The following HMCN2 variants were observed in gnomAD, a reference collection of about 807,000 sequenced individuals.
HMCN2 encodes the protein hemicentin 2.
Under a neutral mutation model 377.5 loss-of-function variants are expected in HMCN2, and 325 were observed. The observed-to-expected ratio is 0.86, with a 90% confidence interval of 0.79 to 0.94. The LOEUF (loss-of-function observed/expected upper bound fraction) is 0.94. HMCN2 is among the 40% of genes least tolerant of loss of function. The probability of loss-of-function intolerance (pLI) is 0.00; values close to 1 mark genes in which losing one functional copy is unlikely to be tolerated. For missense variants in HMCN2, 4,543 were observed against 4,725.3 expected (o/e 0.96, Z 1.13); for synonymous variants, 2,007 against 2,046.8 (o/e 0.98, Z 0.53).
chr9:130,377,471 G>A (rs938778112), intron 52 of HMCN2, among the ~76,000 whole-genome samples, 178 bp from the exon 53 acceptor site: 3 of 152,220 alleles, frequency 2.0e-5, no homozygotes, highest in African/African-American at 7.2e-5. Flanking sequence ...TTTCACCCAT[G>A]TGTGGCCCTT....
At chr9:130,346,484 G>A (rs1243297068) in intron 25 of HMCN2, among the ~76,000 whole-genome samples, 1 of 151,768 alleles carries the variant, frequency 6.6e-6, no homozygotes, top group Non-Finnish European at 1.5e-5. Flanking sequence ...GAGGCAGGGG[G>A]GTGTGGCACT....
chr9:130,364,045 G>A (rs368196098), intron 40 of HMCN2, among the ~76,000 whole-genome samples: 85 of 152,346 alleles, frequency 5.6e-4, no homozygotes, highest in African/African-American at 1.6e-3. Context: ...AGTCTTGGGC[G>A]GGAGGTTATA....
chr9:130,327,025 A>G (rs1401301443), intron 21 of HMCN2, among the ~76,000 whole-genome samples: 5 of 151,460 alleles, frequency 3.3e-5, no homozygotes, highest in African/African-American at 1.2e-4. Flanking sequence ...GAGAAGCCAG[A>G]GAAGGCACAG....
intron 8 of HMCN2, among the ~76,000 whole-genome samples, chr9:130,300,183 C>T (rs1173103685): frequency 6.6e-6 from 1 of 150,760 alleles, no homozygotes; most frequent in African/African-American, 2.4e-5. Context: ...ATTCATTCAT[C>T]CACTCACCCA....
chr9:130,308,646 G>A lies in HMCN2; in HGVS notation c.2200+1080G>A, dbSNP rs561270026. On this transcript the variant is annotated intron_variant, in intron 14 of 97. Coordinates refer to ENST00000683500, the MANE Select transcript of HMCN2 (RefSeq NM_001291815.2). This position sits in a 1 kb window ranked among gnomAD's most constrained non-coding sequence, Gnocchi z 4.1. ...TTTTTTTAGGGTCACCAGCAAGTGGGTGGCACAGGCTTCTGGACTCCTTCC... is the reference window on the plus strand; with the variant it reads ...TTTTTTTAGGGTCACCAGCAAGTGGATGGCACAGGCTTCTGGACTCCTTCC... 1.3e-5 allele frequency among the ~76,000 whole-genome samples: 2 copies of A among 152,308 alleles called. No homozygotes were observed. Among genetic ancestry groups the A allele is most frequent in the African/African-American group, 4.8e-5 (2 of 41,558 alleles).
At position 130,320,881 on chromosome 9, in the gene HMCN2, A is replaced by G. The variant is rs1350866488; in HGVS notation, c.2753A>G (p.His918Arg). Residue 918 changes from histidine (H) to arginine (R), a missense_variant, in exon 18 of 98, where the codon CAC becomes CGC. Physicochemically the swap from His to Arg is conservative, Grantham distance 29. Around this residue, in one of 5 missense-constraint regions of HMCN2, gnomAD observed 547 missense variants for 189.9 expected, o/e 2.88. Coordinates refer to ENST00000683500, the MANE Select transcript of HMCN2 (RefSeq NM_001291815.2). ...GCTGGGCGGCCCCTCCCGGAAAGGCACTGGCTCAAGGACGGCCGGCCCGTG... is the reference window on the plus strand; with the variant it reads ...GCTGGGCGGCCCCTCCCGGAAAGGCGCTGGCTCAAGGACGGCCGGCCCGTG... Reference protein sequence around the residue: ...VLAGRPLPERHWLKDGRPLPP... With the variant: ...VLAGRPLPERRWLKDGRPLPP... 2.0e-5 allele frequency: 3 copies of G among 152,170 alleles called. No individual in the cohort carries two copies. The highest frequency in any genetic ancestry group is 7.2e-5 in the African/African-American group (3 of 41,416). The allele number at this position is 152,170 out of a possible 1,614,324, so 9.4% of individuals were successfully genotyped here. A position where few individuals can be genotyped will look rare whatever the true frequency, so the allele number is the denominator to read the frequency against.
intron 1 of HMCN2, among the ~76,000 whole-genome samples, chr9:130,266,654 A>C (rs531765001): frequency 6.6e-6 from 1 of 152,088 alleles, no homozygotes; most frequent in East Asian, 1.9e-4. Flanking sequence ...TGGGGAGCGG[A>C]CTCACCCTTG....
At chr9:130,419,174 GC>G in intron 86 of HMCN2, 133 bp downstream of exon 86, 1 of 927,012 alleles carries the variant, frequency 1.1e-6, no homozygotes, top group Non-Finnish European at 1.5e-6. Flanking sequence ...TTCATCACAA[GC>G]CCAGAATGAA....
rs41302663 is a variant in HMCN2 at position 130,431,494 on chromosome 9, G to A, written c.14767+8G>A. 57,514 of 1,547,788 alleles carry A rather than the reference G, an allele frequency of 0.037. 1,720 individuals are homozygous for A. The highest frequency in any genetic ancestry group is 0.16 in the African/African-American group (11,617 of 73,118). On this transcript the variant is annotated splice_region_variant and intron_variant, in intron 96 of 97. Transcript: ENST00000683500. ...GCGGGAAGAACTGCCAGGGTGAGCCGGGCTCAGGCCGCCGCCCAAACACCC... is the reference window on the plus strand; with the variant it reads ...GCGGGAAGAACTGCCAGGGTGAGCCAGGCTCAGGCCGCCGCCCAAACACCC...
At chr9:130,417,824 C>A (rs1843779093) in intron 85 of HMCN2, among the ~76,000 whole-genome samples, 1 of 152,232 alleles carries the variant, frequency 6.6e-6, no homozygotes. Context: ...AGGAAGCGAA[C>A]ACACAGGCAC....
chr9:130,360,316 A>ATTCCCCCTTGCT lies in HMCN2; in HGVS notation c.5774-111_5774-110insTCCCCCTTGCTT, dbSNP rs752433831. 942 of 421,164 alleles carry ATTCCCCCTTGCT rather than the reference A, an allele frequency of 2.2e-3. 22 individuals are homozygous for ATTCCCCCTTGCT. Among genetic ancestry groups the ATTCCCCCTTGCT allele is most frequent in the Middle Eastern group, 9.5e-3 (10 of 1,056 alleles). The allele number at this position is 421,164 out of a possible 1,614,324, so 26.1% of individuals were successfully genotyped here. A position where few individuals can be genotyped will look rare whatever the true frequency, so the allele number is the denominator to read the frequency against. ...GCTTCTCTCTTCCATTCCCCCTTGC[A>ATTCCCCCTTGCT]TCTCTCTTCCTTTCCCCCTTGCATC... On this transcript the variant is annotated intron_variant, in intron 37 of 97. Coordinates refer to ENST00000683500, the MANE Select transcript of HMCN2 (RefSeq NM_001291815.2). This position sits in a 1 kb window ranked among gnomAD's most constrained non-coding sequence, Gnocchi z 4.7.
rs548207785 is a variant in HMCN2, at chr9:130,294,416, C to T, written c.613-439C>T. On this transcript the variant is annotated intron_variant, in intron 4 of 97. Transcript: ENST00000683500. ...TTTGCAGCAGTGCCTCTCAGTCCTGCTTAGGGAACGTGGCGCCCTGGTGGG... is the reference window on the plus strand; with the variant it reads ...TTTGCAGCAGTGCCTCTCAGTCCTGTTTAGGGAACGTGGCGCCCTGGTGGG... Among the ~76,000 whole-genome samples, 10 of 152,316 alleles carry T rather than the reference C, an allele frequency of 6.6e-5. No homozygotes were observed. The East Asian group carries it at 1.9e-3, about 29-fold the overall frequency.
At chr9:130,429,456 G>A in intron 93 of HMCN2, 101 bp from the exon 94 acceptor site, 1 of 1,440,406 alleles carries the variant, frequency 6.9e-7, no homozygotes, top group Non-Finnish European at 9.4e-7. Context: ...CTGGAGAAGG[G>A]GACAGGGAGG....
chr9:130,273,269 A>T (rs905090947), intron 1 of HMCN2, among the ~76,000 whole-genome samples: 1 of 151,898 alleles, frequency 6.6e-6, no homozygotes, highest in African/African-American at 2.4e-5. Flanking sequence ...TTCATTTCAT[A>T]TATTAATTTT....
intron 61 of HMCN2, among the ~76,000 whole-genome samples, chr9:130,387,824 C>G (rs1234665105): frequency 6.6e-6 from 1 of 152,148 alleles, no homozygotes; most frequent in African/African-American, 2.4e-5. Context: ...GCCTGTAATC[C>G]CAGCACTTTG....
Position 130,390,960 on chromosome 9 carries a change from ACCC to A in HMCN2, c.9524-15_9524-13del. ...AAGAAGGGGCTGGGGGATTCAGGGG[ACCC>A]CTCTGTCCCACAGAGAGCAGCGCGG... is the stretch of plus-strand genomic sequence containing the variant. On this transcript the variant is annotated splice_polypyrimidine_tract_variant and intron_variant, in intron 62 of 97. Transcript: ENST00000683500. 1 of 985,190 alleles carries A rather than the reference ACCC, an allele frequency of 1.0e-6. No individual in the cohort carries two copies. The highest frequency in any genetic ancestry group is 1.2e-6 in the Non-Finnish European group (1 of 829,796). The allele number at this position is 985,190 out of a possible 1,614,324, so 61.0% of individuals were successfully genotyped here.
rs71499234 is a variant in HMCN2, at chr9:130,366,467, A to ATTTTTT, written c.6625+493_6625+498dup. ...AAAACATTTGGAATTCACTTCACCA[A>ATTTTTT]TTTTTTTTTTTTTTTTTTTTTTTTT... On this transcript the variant is annotated intron_variant, in intron 43 of 97. Transcript: ENST00000683500. Among the ~76,000 whole-genome samples the ATTTTTT allele has an allele frequency of 5.1e-4, 42 of 82,984 alleles. 5 individuals carry two copies. The highest frequency in any genetic ancestry group is 1.0e-3 in the South Asian group (2 of 1,966). 54.4% of individuals were successfully genotyped at this position (82,984 alleles called of 152,430 possible). A position where few individuals can be genotyped will look rare whatever the true frequency, so the allele number is the denominator to read the frequency against.
At chr9:130,418,715 C>T (rs942335558) in intron 85 of HMCN2, 57 bp from the exon 86 acceptor site, 2 of 1,347,952 alleles carry the variant, frequency 1.5e-6, no homozygotes, top group South Asian at 2.1e-5. Flanking sequence ...GAACATATCC[C>T]ACTTGAATAT....
intron 1 of HMCN2, among the ~76,000 whole-genome samples, chr9:130,273,351 G>A (rs1281212314): frequency 1.3e-5 from 2 of 151,892 alleles, no homozygotes; most frequent in Non-Finnish European, 2.9e-5. Flanking sequence ...AGTTTTCTAG[G>A]TTGAGAGTCA....
Sources: gnomAD v4.1 joint callset for allele counts (sites outside exome capture counted in the v4.1 genomes callset) on GRCh38, gnomAD v4.1.1 for gene constraint, gnomAD v4.1.1 regional missense constraint, Gnocchi (gnomAD v3.1) non-coding constraint, MANE v1.5 for transcripts, NCBI Gene and HGNC (gene_info 2026-07-23, HGNC 2026-07-21) for gene names.